Variants in PELI2 observed in about 807,000 individuals in gnomAD.
PELI2 encodes the protein pellino E3 ubiquitin protein ligase family member 2, also known as E3 ubiquitin-protein ligase pellino homolog 2.
In PELI2, 23 loss-of-function variants were observed where a neutral mutation model predicts 42.3. The ratio of observed to expected loss-of-function variants is 0.54; its 90% CI spans 0.39 to 0.77. PELI2 has a LOEUF of 0.77. Ranked by LOEUF, PELI2 falls within the 30% of genes least tolerant of loss-of-function variation. The pLI, the probability that PELI2 is intolerant of heterozygous loss-of-function variation, is 0.00. For synonymous variants in PELI2, 245 were observed against 212.2 expected, an observed-to-expected ratio of 1.15 and a Z score of -1.34; for missense variants, 463 against 553.2, an observed-to-expected ratio of 0.84 and a Z score of 1.64.
In PELI2 at chr14:56,301,082, A is replaced by T. The variant is rs1019255757; in HGVS notation, c.*3916A>T. ...GATGTTTCTTTTTAGCTGAGATGAC[A>T]GATTGCTTCTCTGTATTAAATAGTC... On this transcript the variant is annotated 3_prime_UTR_variant, in exon 6 of 6. Coordinates refer to ENST00000267460, the MANE Select transcript of PELI2 (RefSeq NM_021255.3). 1.3e-5 allele frequency: 2 copies of T among 152,612 alleles called. No individual in the cohort carries two copies. The highest frequency in any genetic ancestry group is 1.9e-4 in the East Asian group (1 of 5,202). The allele number at this position is 152,612 out of a possible 1,614,324, so 9.5% of individuals were successfully genotyped here. A position where few individuals can be genotyped will look rare whatever the true frequency, so the allele number is the denominator to read the frequency against.
At chr14:56,214,331 A>G (rs1185911447) in intron 2 of PELI2, among the ~76,000 whole-genome samples, 1 of 152,118 alleles carries the variant, frequency 6.6e-6, no homozygotes, top group African/African-American at 2.4e-5. Context: ...ATGATTTGGG[A>G]TAGGAAATGA....
chr14:56,222,203 A>G (rs145193624), intron 2 of PELI2, among the ~76,000 whole-genome samples: 15 of 151,996 alleles, frequency 9.9e-5, no homozygotes, highest in African/African-American at 2.2e-4. Flanking sequence ...TTTAATCTTC[A>G]TGGCAAGATG....
intron 2 of PELI2, among the ~76,000 whole-genome samples, chr14:56,274,659 G>A (rs537690470): frequency 6.6e-6 from 1 of 152,322 alleles, no homozygotes; most frequent in Non-Finnish European, 1.5e-5. Context: ...GTTTTGAGTT[G>A]TAAGTTGAAG....
intron 2 of PELI2, among the ~76,000 whole-genome samples, chr14:56,205,478 G>A (rs952402045): frequency 3.9e-5 from 6 of 152,136 alleles, no homozygotes; most frequent in African/African-American, 1.2e-4. Context: ...AGGCAGGAGT[G>A]ACCTGAGCTT....
intron 2 of PELI2, among the ~76,000 whole-genome samples, chr14:56,260,513 T>C (rs140357303): frequency 2.0e-5 from 3 of 152,292 alleles, no homozygotes; most frequent in Middle Eastern, 3.4e-3. Context: ...AGGAACTGTT[T>C]GGGGTGACGG....
intron 2 of PELI2, among the ~76,000 whole-genome samples, chr14:56,260,763 C>T (rs1183368506): frequency 6.6e-6 from 1 of 152,160 alleles, no homozygotes; most frequent in African/African-American, 2.4e-5. Context: ...TCTGAAGTGA[C>T]AAAAGTAGAA....
intron 2 of PELI2, among the ~76,000 whole-genome samples, chr14:56,264,272 C>G (rs1219647590): frequency 6.6e-6 from 1 of 152,092 alleles, no homozygotes; most frequent in Non-Finnish European, 1.5e-5. Flanking sequence ...GAAATGTTCC[C>G]CCAACCATGG....
intron 5 of PELI2, among the ~76,000 whole-genome samples, chr14:56,292,371 T>TTGTC (rs2139901939): frequency 6.6e-6 from 1 of 152,330 alleles, no homozygotes; most frequent in Admixed American, 6.5e-5. Flanking sequence ...AGAACAGTTT[T>TTGTC]TGTCTGTCTT....
intron 2 of PELI2, among the ~76,000 whole-genome samples, chr14:56,262,874 A>G (rs1211567145): frequency 6.6e-6 from 1 of 152,232 alleles, no homozygotes; most frequent in Non-Finnish European, 1.5e-5. Context: ...AATATAGAAT[A>G]TGCTCAAGGG....
At chr14:56,177,786 C>G (rs911451623) in intron 1 of PELI2, among the ~76,000 whole-genome samples, 22 of 152,290 alleles carry the variant, frequency 1.4e-4, no homozygotes, top group Admixed American at 1.4e-3. Context: ...GCTAATCTGA[C>G]AGCGTAGGGT....
intron 2 of PELI2, among the ~76,000 whole-genome samples, chr14:56,225,928 T>C (rs900526938): frequency 9.2e-5 from 14 of 152,180 alleles, no homozygotes; most frequent in Non-Finnish European, 1.5e-5. Context: ...GTTGCAAATC[T>C]TGTGATAATA....
intron 2 of PELI2, among the ~76,000 whole-genome samples, chr14:56,277,253 C>T (rs1265553001): frequency 6.6e-6 from 1 of 152,116 alleles, no homozygotes; most frequent in African/African-American, 2.4e-5. Context: ...TATAGCCGCT[C>T]CCCATTGCTT....
chr14:56,154,175 T>G (rs1884466752), intron 1 of PELI2, among the ~76,000 whole-genome samples: 1 of 152,224 alleles, frequency 6.6e-6, no homozygotes, highest in Admixed American at 6.5e-5. Flanking sequence ...TCAACATGTT[T>G]AAGAGATGAT....
intron 2 of PELI2, among the ~76,000 whole-genome samples, chr14:56,220,768 AAGG>A (rs1185975382): frequency 4.6e-5 from 7 of 152,170 alleles, no homozygotes; most frequent in Non-Finnish European, 1.0e-4. Flanking sequence ...TGAGGAGGTG[AAGG>A]AGATTAGCAT....
chr14:56,292,820 G>A (rs1037861241), intron 5 of PELI2: 4 of 955,494 alleles, frequency 4.2e-6, no homozygotes, highest in Non-Finnish European at 5.0e-6. Flanking sequence ...ATAGGTGAAT[G>A]GAGTTTGAAT....
intron 2 of PELI2, among the ~76,000 whole-genome samples, chr14:56,196,667 T>G (rs1018305413): frequency 1.3e-5 from 2 of 152,224 alleles, no homozygotes; most frequent in African/African-American, 4.8e-5. Context: ...TATTTTTACT[T>G]TAGGAACGTT....
intron 2 of PELI2, among the ~76,000 whole-genome samples, chr14:56,226,997 A>T (rs1887380825): frequency 6.6e-6 from 1 of 152,246 alleles, no homozygotes; most frequent in African/African-American, 2.4e-5. Flanking sequence ...CTAAAATTTG[A>T]TTCCTCTATA....
chr14:56,198,730 A>G (rs967143195), intron 2 of PELI2, among the ~76,000 whole-genome samples: 11 of 152,132 alleles, frequency 7.2e-5, no homozygotes, highest in African/African-American at 2.4e-4. Flanking sequence ...TTAATGATGG[A>G]TGATAGGAGA....
rs1396634100 is a variant in PELI2 at position 56,299,992 on chromosome 14, CAT to C, written c.*2827_*2828del. On this transcript the variant is annotated 3_prime_UTR_variant, in exon 6 of 6. Transcript: ENST00000267460. The stretch of plus-strand genomic sequence containing the variant: ...TAATAATCGGTGCTGCCGGGTCATG[CAT>C]GCTGCAACTCTCAACATTTCCCTTA... 6.6e-6 allele frequency: 1 copy of C among 152,628 alleles called. No homozygotes were observed. Among genetic ancestry groups the C allele is most frequent in the African/African-American group, 2.4e-5 (1 of 41,462 alleles). 9.5% of individuals were successfully genotyped at this position (152,628 alleles called of 1,614,324 possible).
Sources: allele counts gnomAD v4.1 joint callset (sites outside exome capture counted in the v4.1 genomes callset), GRCh38; gene constraint gnomAD v4.1.1; transcripts MANE v1.5; gene names NCBI Gene and HGNC (gene_info 2026-07-23, HGNC 2026-07-21).